VSX2: variants seen among roughly 807,000 people sequenced by gnomAD.
VSX2 encodes visual system homeobox 2.
A neutral mutation model predicts 32.1 loss-of-function variants in VSX2; 28 were observed. That is an observed-to-expected ratio of 0.87 (90% CI 0.65 to 1.20). The LOEUF (loss-of-function observed/expected upper bound fraction) is 1.20. VSX2 is among the 50% of genes most tolerant of loss of function. The pLI is 0.00. For missense variants in VSX2, 506 were observed against 488.7 expected, an observed-to-expected ratio of 1.04 and a Z score of -0.33; for synonymous variants, 243 against 214.1, an observed-to-expected ratio of 1.14 and a Z score of -1.18.
At chr14:74,251,342 C>G (rs1341454210) in intron 3 of VSX2, among the ~76,000 whole-genome samples, 1 of 152,094 alleles carries the variant, frequency 6.6e-6, no homozygotes, top group African/African-American at 2.4e-5. Context: ...CCCAGCTACT[C>G]AGGAGGCTGA....
At position 74,239,682 on chromosome 14, in the gene VSX2, A is replaced by G; in HGVS notation, c.121A>G (p.Asn41Asp). ...CGGCATCCAGGAGATCCTGGGCTTG[A>G]ACAAGGAGCCCCCGAGCTCCCACCC... ...GFGIQEILGL[N>D]KEPPSSHPRA... The change falls in exon 1 of 5, where the codon AAC (asparagine) becomes GAC (aspartate). Residue 41 changes from asparagine (N) to aspartate (D), a missense_variant. Coordinates refer to ENST00000261980, the MANE Select transcript of VSX2 (RefSeq NM_182894.3). The G allele has an allele frequency of 6.5e-7, 1 of 1,550,202 alleles. No homozygotes were observed. The highest frequency in any genetic ancestry group is 8.7e-7 in the Non-Finnish European group (1 of 1,146,890).
At chr14:74,257,912 C>G (rs969441521) in intron 3 of VSX2, among the ~76,000 whole-genome samples, 1 of 152,194 alleles carries the variant, frequency 6.6e-6, no homozygotes, top group Admixed American at 6.5e-5. Flanking sequence ...CAGCGCCAGA[C>G]GGCAAGCAAT....
chr14:74,245,069 C>T (rs151151476), intron 2 of VSX2, 96 bp from the exon 3 acceptor site: 940 of 1,557,826 alleles, frequency 6.0e-4, no homozygotes, highest in Middle Eastern at 4.8e-3. Flanking sequence ...GGGTTCGGGG[C>T]CTGCCCAGGA....
rs1453403404 is a variant in VSX2, at chr14:74,260,818, A to G, written c.985A>G (p.Ser329Gly). 1.3e-6 allele frequency: 2 copies of G among 1,568,718 alleles called. No homozygotes were observed. ...GCTGGGGACTGTGTCTGGGCCGGAC[A>G]GCCTGGCCCGGAGTACCGAGAAGCC... Reference protein sequence around the residue: ...KVLGTVSGPDSLARSTEKPEE... With the variant: ...KVLGTVSGPDGLARSTEKPEE... Residue 329 changes from serine to glycine, a missense_variant, in exon 5 of 5, where the codon AGC (serine) becomes GGC (glycine). Transcript: ENST00000261980.
chr14:74,256,226 T>G (rs1360448371), intron 3 of VSX2, among the ~76,000 whole-genome samples: 1 of 152,048 alleles, frequency 6.6e-6, no homozygotes, highest in Non-Finnish European at 1.5e-5. Flanking sequence ...AGGTCAGGAG[T>G]TCGAGACCAG....
rs1168621105 is a variant in VSX2 at position 74,239,775 on chromosome 14, G to C, written c.214G>C (p.Gly72Arg). The C allele has an allele frequency of 6.4e-7, 1 of 1,557,092 alleles. No individual in the cohort carries two copies. Among genetic ancestry groups the C allele is most frequent in the South Asian group, 1.2e-5 (1 of 84,594 alleles). The change falls in exon 1 of 5, where the codon GGG (glycine) becomes CGG (arginine). Residue 72 changes from glycine (G) to arginine (R), a missense_variant. Transcript: ENST00000261980. ...LAARSVLSPA[G>R]VGGMGLLGPG... Reference sequence around the variant, plus strand: ...GGCGCGCTCAGTGCTCAGCCCCGCGGGGGTGGGCGGCATGGGGCTTCTGGG... The same window carrying C: ...GGCGCGCTCAGTGCTCAGCCCCGCGCGGGTGGGCGGCATGGGGCTTCTGGG...
intron 2 of VSX2, 23 bp from the exon 3 acceptor site, chr14:74,245,130 CTGGGGTCCTGAG>C: frequency 6.2e-7 from 1 of 1,612,882 alleles, no homozygotes; most frequent in Non-Finnish European, 8.5e-7. Context: ...CTTTTAGTTT[CTGGGGTCCTGAG>C]TGTTCGGTCT....
intron 4 of VSX2, 144 bp downstream of exon 4, chr14:74,259,926 C>T: frequency 1.1e-6 from 1 of 929,910 alleles, no homozygotes; most frequent in Non-Finnish European, 1.6e-6. Flanking sequence ...ACCTCTTGGT[C>T]TATCCTGGGG....
Position 74,239,855 on chromosome 14 carries a change from C to G in VSX2, c.294C>G (p.Ser98=), listed in dbSNP as rs770121550. The change falls in exon 1 of 5, where the codon TCC becomes TCG. Residue 98 remains serine (S), a synonymous_variant. Coordinates refer to ENST00000261980, the MANE Select transcript of VSX2 (RefSeq NM_182894.3). ...YTQPTFLEVL[S]DPQSVHLQPL... The stretch of plus-strand genomic sequence containing the variant: ...AGCCCACCTTCCTGGAAGTGCTGTC[C>G]GACCCGCAGAGCGTCCACTTGCAGC... 7 of 1,578,062 alleles carry G rather than the reference C, an allele frequency of 4.4e-6. No individual in the cohort carries two copies. Among genetic ancestry groups the G allele is most frequent in the Non-Finnish European group, 6.0e-6 (7 of 1,163,418 alleles).
intron 2 of VSX2, 103 bp downstream of exon 2, chr14:74,241,369 C>T: frequency 7.6e-7 from 1 of 1,307,748 alleles, no homozygotes; most frequent in Non-Finnish European, 1.1e-6. Flanking sequence ...GACAACGGAT[C>T]TGAGGTCCGA....
intron 3 of VSX2, among the ~76,000 whole-genome samples, chr14:74,253,438 G>C (rs545904035): frequency 3.3e-5 from 5 of 152,316 alleles, no homozygotes; most frequent in African/African-American, 1.2e-4. Flanking sequence ...AGGGTTTTAC[G>C]TGAAAGGTAT....
chr14:74,253,581 C>T (rs568653558), intron 3 of VSX2, among the ~76,000 whole-genome samples: 75 of 152,294 alleles, frequency 4.9e-4, no homozygotes, highest in Admixed American at 1.3e-3. Context: ...CCACCAGAAA[C>T]CTGCAGAGAG....
At chr14:74,240,258 C>T (rs1005170653) in intron 1 of VSX2, among the ~76,000 whole-genome samples, 1 of 152,182 alleles carries the variant, frequency 6.6e-6, no homozygotes, top group African/African-American at 2.4e-5. Context: ...AGTCGCCGGC[C>T]GTGTCGGAGG....
chr14:74,240,849 G>A (rs914844284), intron 1 of VSX2, among the ~76,000 whole-genome samples: 2 of 152,220 alleles, frequency 1.3e-5, no homozygotes, highest in Non-Finnish European at 2.9e-5. Flanking sequence ...TGGCCGCGCA[G>A]GGCAGGGCGC....
chr14:74,257,920 A>T (rs2139644699), intron 3 of VSX2, among the ~76,000 whole-genome samples: 1 of 152,230 alleles, frequency 6.6e-6, no homozygotes. Context: ...GACGGCAAGC[A>T]ATTTTTTTTT....
chr14:74,240,026 C>A (rs1026573396), intron 1 of VSX2, 95 bp downstream of exon 1: 25 of 1,479,704 alleles, frequency 1.7e-5, no homozygotes, highest in Non-Finnish European at 1.9e-5. Context: ...GGCCTCCAGG[C>A]GGAAAAGTTC....
rs1365715652 is a variant in VSX2 at position 74,260,875 on chromosome 14, C to A, written c.1042C>A (p.Pro348Thr). The change falls in exon 5 of 5, where the codon CCG becomes ACG. Residue 348 changes from proline to threonine, a missense_variant. Pro to Thr is a conservative substitution (Grantham distance 38). Transcript: ENST00000261980. ...GGAGGAGGCCATGGATGAAGACAGG[C>A]CGGCGGAGAGGCTCAGTCCACCGCA... Reference protein sequence around the residue: ...EEEEAMDEDRPAERLSPPQLE... With the variant: ...EEEEAMDEDRTAERLSPPQLE... The A allele has an allele frequency of 6.4e-7, 1 of 1,567,060 alleles. No homozygotes were observed. Among genetic ancestry groups the A allele is most frequent in the Admixed American group, 1.9e-5 (1 of 53,024 alleles).
intron 3 of VSX2, among the ~76,000 whole-genome samples, chr14:74,257,189 G>C (rs1742569202): frequency 6.6e-6 from 1 of 152,222 alleles, no homozygotes; most frequent in African/African-American, 2.4e-5. Flanking sequence ...GAGCCAGGCC[G>C]GGACGCAGGC....
chr14:74,257,709 A>ACCCCCC (rs33974776), intron 3 of VSX2, among the ~76,000 whole-genome samples: 1 of 133,980 alleles, frequency 7.5e-6, no homozygotes, highest in African/African-American at 2.9e-5. Context: ...CGCGCGGACC[A>ACCCCCC]CCCCCCACCC....
Sources: gnomAD v4.1 joint callset for allele counts (sites outside exome capture counted in the v4.1 genomes callset) on GRCh38, gnomAD v4.1.1 for gene constraint, MANE v1.5 for transcripts, NCBI Gene and HGNC (gene_info 2026-07-23, HGNC 2026-07-21) for gene names.